NPHP4: variants seen among roughly 807,000 people sequenced by gnomAD.
NPHP4 encodes nephrocystin 4, also known as nephrocystin-4.
Under a neutral mutation model 155.8 loss-of-function variants are expected in NPHP4, and 151 were observed. The ratio of observed to expected loss-of-function variants is 0.97; its 90% CI spans 0.85 to 1.11. The LOEUF (loss-of-function observed/expected upper bound fraction) is 1.11, where lower values mean the gene tolerates loss of function less well. Ranked by LOEUF, NPHP4 falls within the 50% of genes least tolerant of loss-of-function variation. The probability of loss-of-function intolerance (pLI) is 0.00; values close to 1 mark genes in which losing one functional copy is unlikely to be tolerated. For missense variants in NPHP4, 1,956 were observed against 1,925.7 expected (o/e 1.02, Z -0.29); for synonymous variants, 845 against 816.8 (o/e 1.03, Z -0.59).
At chr1:5,880,662 G>T in intron 18 of NPHP4, 1 of 205,966 alleles carries the variant, frequency 4.9e-6, no homozygotes, top group Non-Finnish European at 1.0e-5. Flanking sequence ...CACACACCCA[G>T]GGTGAAAGAG....
chr1:5,880,077 G>A lies in NPHP4; in HGVS notation c.2611+37C>T, dbSNP rs370523444. ...CTTCCACCTCTCACCCACCACTCACGACCCACCCACACATGGGCCCAACAG... is the reference window on the plus strand; with the variant it reads ...CTTCCACCTCTCACCCACCACTCACAACCCACCCACACATGGGCCCAACAG... On this transcript the variant is annotated intron_variant, in intron 19 of 29. Transcript: ENST00000378156. 9.1e-5 allele frequency: 146 copies of A among 1,610,490 alleles called. 1 individual carries two copies. In the African/African-American group the frequency reaches 1.4e-3, roughly 15 times the overall value.
chr1:5,975,557 C>A (rs1465609461), intron 3 of NPHP4, among the ~76,000 whole-genome samples: 1 of 152,212 alleles, frequency 6.6e-6, no homozygotes, highest in Non-Finnish European at 1.5e-5. Flanking sequence ...GTCCCCCGGG[C>A]CCATCCCCAG....
chr1:5,959,994 G>A (rs908977023), intron 6 of NPHP4, among the ~76,000 whole-genome samples: 90 of 152,214 alleles, frequency 5.9e-4, no homozygotes, highest in African/African-American at 2.1e-3. Flanking sequence ...TCACAGCGGC[G>A]CCTACAGGGC....
Position 5,874,642 on chromosome 1 carries a change from A to C in NPHP4, c.3060T>G (p.Ser1020Arg). The change falls in exon 22 of 30, where the codon AGT (serine) becomes AGG (arginine). Residue 1020 changes from serine to arginine, a missense_variant. Physicochemically the swap from Ser to Arg is moderately radical, Grantham distance 110 (BLOSUM62 -1). Coordinates refer to ENST00000378156, the MANE Select transcript of NPHP4 (RefSeq NM_015102.5). The stretch of plus-strand genomic sequence containing the variant: ...CACCCTTGAAGTCCCTCCACTCCTG[A>C]CTGTCCACGATGACGCTGGGGGAGG... ...DNPELSVIVDSQEWRDFKGAA... is the reference protein window; with the variant it reads ...DNPELSVIVDRQEWRDFKGAA... 2 of 1,611,740 alleles carry C rather than the reference A, an allele frequency of 1.2e-6. No individual in the cohort carries two copies. The highest frequency in any genetic ancestry group is 1.7e-6 in the Non-Finnish European group (2 of 1,179,500).
In NPHP4 at chr1:5,864,010, C is replaced by T. The variant is rs767017145; in HGVS notation, c.4020G>A (p.Ala1340=). The T allele has an allele frequency of 4.3e-6, 7 of 1,613,286 alleles. No homozygotes were observed. Among genetic ancestry groups the T allele is most frequent in the African/African-American group, 1.3e-5 (1 of 74,882 alleles). The change falls in exon 29 of 30, where the codon GCG becomes GCA. Residue 1340 remains alanine, a synonymous_variant. Transcript: ENST00000378156. ...TCTTGTTGACACCCTTCCCTTCGCCCGCAGCCAACATGATCTCAAAGGCCT... is the reference window on the plus strand; with the variant it reads ...TCTTGTTGACACCCTTCCCTTCGCCTGCAGCCAACATGATCTCAAAGGCCT... The part of the protein sequence containing the change: ...ISKAFEIMLA[A]GEGKGVNKRI...
At chr1:5,896,680 G>A (rs1038440025) in intron 16 of NPHP4, among the ~76,000 whole-genome samples, 2 of 152,146 alleles carry the variant, frequency 1.3e-5, no homozygotes, top group African/African-American at 4.8e-5. Flanking sequence ...AGCTCTTCCT[G>A]GTGAAAGGTT....
At chr1:5,957,461 G>C (rs1393041009) in intron 6 of NPHP4, among the ~76,000 whole-genome samples, 1 of 152,082 alleles carries the variant, frequency 6.6e-6, no homozygotes, top group East Asian at 1.9e-4. Flanking sequence ...CAAGACCACT[G>C]CAACAGTGGG....
intron 10 of NPHP4, among the ~76,000 whole-genome samples, chr1:5,931,402 A>C (rs1216992300): frequency 1.8e-5 from 1 of 54,204 alleles, no homozygotes; most frequent in African/African-American, 1.0e-4. Flanking sequence ...GCATATGTCT[A>C]AAAAAAAAAA....
chr1:5,984,747 G>A (rs1293433574), intron 2 of NPHP4, among the ~76,000 whole-genome samples: 1 of 152,106 alleles, frequency 6.6e-6, no homozygotes, highest in Admixed American at 6.5e-5. Context: ...TTTGAACTAC[G>A]TGCATTACCT....
chr1:5,866,608 A>T, intron 25 of NPHP4, 150 bp from the exon 26 acceptor site: 4 of 622,364 alleles, frequency 6.4e-6, no homozygotes, highest in Non-Finnish European at 5.9e-6. Context: ...GGAATTCACT[A>T]TTCTGTTCAC....
chr1:5,896,523 T>C (rs1459532774), intron 16 of NPHP4, among the ~76,000 whole-genome samples: 1 of 152,188 alleles, frequency 6.6e-6, no homozygotes, highest in Non-Finnish European at 1.5e-5. Context: ...ATTCTATACG[T>C]TGTTAGGCAA....
Position 5,882,524 on chromosome 1 carries a change from C to G in NPHP4, c.2486-2285G>C, listed in dbSNP as rs1173734904. ...CAGCAGGACAGCCGTGCTGACTTCC[C>G]CCTCGGCCCAGGTCCCTGCTACATC... On this transcript the variant is annotated intron_variant, in intron 18 of 29. Coordinates refer to ENST00000378156, the MANE Select transcript of NPHP4 (RefSeq NM_015102.5). This position sits in a 1 kb window ranked among gnomAD's most constrained non-coding sequence, Gnocchi z 5.1. 2.6e-5 allele frequency: 4 copies of G among 152,768 alleles called. No individual in the cohort carries two copies. Among genetic ancestry groups the G allele is most frequent in the Non-Finnish European group, 5.8e-5 (4 of 68,454 alleles). The allele number at this position is 152,768 out of a possible 1,614,324, so 9.5% of individuals were successfully genotyped here.
intron 8 of NPHP4, 27 bp from the exon 9 acceptor site, chr1:5,947,257 A>G (rs946630489): frequency 1.9e-6 from 3 of 1,610,258 alleles, no homozygotes; most frequent in Non-Finnish European, 2.5e-6. Flanking sequence ...AACCAGGGAC[A>G]CATTAGAGCT....
At chr1:5,952,102 G>A (rs1006811757) in intron 7 of NPHP4, among the ~76,000 whole-genome samples, 1 of 152,196 alleles carries the variant, frequency 6.6e-6, no homozygotes, top group Admixed American at 6.5e-5. Flanking sequence ...GGAACAGCAG[G>A]GAGTGTGAAC....
intron 1 of NPHP4, among the ~76,000 whole-genome samples, chr1:5,986,922 G>A (rs1202870944): frequency 6.6e-6 from 1 of 152,038 alleles, no homozygotes; most frequent in Non-Finnish European, 1.5e-5. Flanking sequence ...AGACTGTCTT[G>A]TAGGGGACCC....
chr1:5,914,257 CAAAA>C (rs575438284), intron 11 of NPHP4, among the ~76,000 whole-genome samples: 11 of 47,392 alleles, frequency 2.3e-4, no homozygotes, highest in African/African-American at 4.3e-4. Flanking sequence ...CTTATCTATA[CAAAA>C]AAAAAAAAAA....
intron 3 of NPHP4, among the ~76,000 whole-genome samples, chr1:5,971,555 T>C (rs1570701736): frequency 6.6e-6 from 1 of 152,284 alleles, no homozygotes; most frequent in East Asian, 1.9e-4. Flanking sequence ...AAACGACAGA[T>C]GAGGCAGGCA....
chr1:5,951,179 C>T (rs1347925895), intron 7 of NPHP4, among the ~76,000 whole-genome samples: 1 of 152,208 alleles, frequency 6.6e-6, no homozygotes, highest in Non-Finnish European at 1.5e-5. Flanking sequence ...GGAGGAGACC[C>T]GCGAGGCTCT....
At chr1:5,868,840 A>ACACACGCATG (rs1228535355) in intron 23 of NPHP4, among the ~76,000 whole-genome samples, 2 of 142,328 alleles carry the variant, frequency 1.4e-5, no homozygotes, top group East Asian at 4.2e-4. Context: ...ACACGCACCC[A>ACACACGCATG]CACACGCATG....
Sources: gnomAD v4.1 joint callset for allele counts (sites outside exome capture counted in the v4.1 genomes callset) on GRCh38, gnomAD v4.1.1 for gene constraint, Gnocchi (gnomAD v3.1) non-coding constraint, MANE v1.5 for transcripts, NCBI Gene and HGNC (gene_info 2026-07-23, HGNC 2026-07-21) for gene names.